Variants in KIF21A observed in about 807,000 individuals in gnomAD.
The protein encoded by KIF21A is kinesin-like protein KIF21A.
KIF21A carries 114 observed loss-of-function variants against 202.9 expected under a neutral mutation model. That is an observed-to-expected ratio of 0.56 (90% CI 0.48 to 0.66). The LOEUF is 0.66. KIF21A is among the 30% of genes least tolerant of loss of function. The pLI is 0.00. For missense variants in KIF21A, 1,677 were observed against 1,994.9 expected, an observed-to-expected ratio of 0.84 and a Z score of 3.04; for synonymous variants, 667 against 670.8, an observed-to-expected ratio of 0.99 and a Z score of 0.09.
chr12:39,401,830 A>G (rs1003508072), intron 1 of KIF21A, among the ~76,000 whole-genome samples: 1 of 152,214 alleles, frequency 6.6e-6, no homozygotes, highest in Non-Finnish European at 1.5e-5. Flanking sequence ...CTTAACAACT[A>G]TATGTAATAT....
chr12:39,399,468 GA>G (rs1321702641), intron 1 of KIF21A, among the ~76,000 whole-genome samples: 1 of 152,172 alleles, frequency 6.6e-6, no homozygotes, highest in East Asian at 1.9e-4. Flanking sequence ...AGGAACAAGA[GA>G]AATCTACATT....
At chr12:39,423,039 T>G (rs888173571) in intron 1 of KIF21A, among the ~76,000 whole-genome samples, 3 of 152,366 alleles carry the variant, frequency 2.0e-5, no homozygotes, top group Admixed American at 6.5e-5. Context: ...ATTGTGAGGA[T>G]CACATGAGTT....
chr12:39,324,969 A>C (rs73086858), intron 26 of KIF21A, among the ~76,000 whole-genome samples: 66 of 152,326 alleles, frequency 4.3e-4, no homozygotes, highest in African/African-American at 1.1e-3. Context: ...ATCAAATGCT[A>C]CCACATTCAA....
rs1274485860 is a variant in KIF21A at position 39,367,127 on chromosome 12, G to T, written c.638C>A (p.Thr213Lys). The stretch of plus-strand genomic sequence containing the variant: ...AACATTCATCTGGGTACTGGCAGTT[G>T]TCCGGGATAAAGCACCCAACTTCAA... ...QCLKLGALSR[T>K]TASTQMNVQS... Residue 213 changes from threonine to lysine, a missense_variant, in exon 5 of 38, where the codon ACA becomes AAA. Physicochemically the swap from Thr to Lys is moderately conservative, Grantham distance 78. Coordinates refer to ENST00000361418, the MANE Select transcript of KIF21A (RefSeq NM_001173464.2). 6.2e-7 allele frequency: 1 copy of T among 1,613,818 alleles called. No homozygotes were observed. Among genetic ancestry groups the T allele is most frequent in the Non-Finnish European group, 8.5e-7 (1 of 1,179,878 alleles).
At chr12:39,339,217 C>G (rs907558217) in intron 16 of KIF21A, among the ~76,000 whole-genome samples, 1 of 134,408 alleles carries the variant, frequency 7.4e-6, no homozygotes, top group African/African-American at 3.0e-5. Flanking sequence ...AGGTGGGCAA[C>G]AGAGCGAGAC....
chr12:39,401,220 C>G (rs1190951605), intron 1 of KIF21A, among the ~76,000 whole-genome samples: 3 of 151,954 alleles, frequency 2.0e-5, no homozygotes, highest in African/African-American at 7.3e-5. Flanking sequence ...AAAGGCCAGA[C>G]AGTATATAGT....
chr12:39,400,994 T>G (rs576970802), intron 1 of KIF21A, among the ~76,000 whole-genome samples: 1 of 152,272 alleles, frequency 6.6e-6, no homozygotes, highest in African/African-American at 2.4e-5. Context: ...ACCAGAAGAT[T>G]AATTTAATCC....
At position 39,380,525 on chromosome 12, in the gene KIF21A, T is replaced by TA. The variant is rs143073105; in HGVS notation, c.45-10265dup. Among the ~76,000 whole-genome samples the TA allele has an allele frequency of 5.7e-3, 875 of 152,280 alleles. 11 individuals are homozygous for TA. Among genetic ancestry groups the TA allele is most frequent in the African/African-American group, 0.02 (850 of 41,554 alleles). The stretch of plus-strand genomic sequence containing the variant: ...GAATGACTTTTATAAATTCTTATAA[T>TA]AAAAAAGGTTTAATTAACACTTCAG... On this transcript the variant is annotated intron_variant, in intron 1 of 37. Transcript: ENST00000361418.
chr12:39,396,886 A>C (rs1485511557), intron 1 of KIF21A, among the ~76,000 whole-genome samples: 1 of 152,202 alleles, frequency 6.6e-6, no homozygotes, highest in East Asian at 1.9e-4. Flanking sequence ...AAAGGAATAA[A>C]CTACTGACAC....
intron 1 of KIF21A, among the ~76,000 whole-genome samples, chr12:39,427,151 C>G (rs1003424512): frequency 6.6e-6 from 1 of 152,186 alleles, no homozygotes; most frequent in Non-Finnish European, 1.5e-5. Flanking sequence ...TCTAGTGGGG[C>G]TCAGTAACTA....
intron 7 of KIF21A, among the ~76,000 whole-genome samples, chr12:39,358,658 TC>T (rs1948977971): frequency 6.6e-6 from 1 of 152,194 alleles, no homozygotes; most frequent in Non-Finnish European, 1.5e-5. Flanking sequence ...ACACAGTAAT[TC>T]TAAAATTAAA....
chr12:39,308,667 A>G (rs190371121), intron 33 of KIF21A, among the ~76,000 whole-genome samples: 8 of 152,276 alleles, frequency 5.3e-5, no homozygotes, highest in Admixed American at 5.2e-4. Context: ...TTAAATTTTG[A>G]AACATTTTCT....
chr12:39,352,026 G>T, intron 10 of KIF21A, 46 bp from the exon 11 acceptor site: 1 of 1,328,392 alleles, frequency 7.5e-7, no homozygotes, highest in Non-Finnish European at 1.1e-6. Flanking sequence ...TTTCTCTGTG[G>T]ATAAAAATAC....
At chr12:39,325,955 C>T (rs1945858443) in intron 25 of KIF21A, 62 bp from the exon 26 acceptor site, 3 of 1,301,550 alleles carry the variant, frequency 2.3e-6, no homozygotes, top group African/African-American at 1.5e-5. Flanking sequence ...AAAACTATAG[C>T]TCCTCTATAT....
chr12:39,434,176 C>T (rs1441101557), intron 1 of KIF21A, among the ~76,000 whole-genome samples: 1 of 152,194 alleles, frequency 6.6e-6, no homozygotes, highest in Non-Finnish European at 1.5e-5. Flanking sequence ...CTGGCACGGT[C>T]TTTCTTGCTG....
At chr12:39,365,682 T>G (rs538538283) in intron 6 of KIF21A, among the ~76,000 whole-genome samples, 18 of 152,368 alleles carry the variant, frequency 1.2e-4, no homozygotes, top group African/African-American at 4.3e-4. Context: ...ATCAAAAGGC[T>G]ACTTTGAAGG....
At chr12:39,378,992 C>T (rs1333375373) in intron 1 of KIF21A, among the ~76,000 whole-genome samples, 1 of 151,958 alleles carries the variant, frequency 6.6e-6, no homozygotes, top group African/African-American at 2.4e-5. Context: ...TGCATTTGTT[C>T]CCTGGTTATG....
chr12:39,341,050 T>C lies in KIF21A; in HGVS notation c.1966A>G (p.Ile656Val). 4.3e-6 allele frequency: 7 copies of C among 1,611,716 alleles called. No homozygotes were observed. Among genetic ancestry groups the C allele is most frequent in the Non-Finnish European group, 5.9e-6 (7 of 1,178,614 alleles). ...DLANITCEIA[I>V]KQKLIDELEN... Reference sequence around the variant, plus strand: ...AGTTCATCAATCAGCTTTTGCTTAATTGCAATTTCACAAGTAATGTTTGCC... The same window carrying C: ...AGTTCATCAATCAGCTTTTGCTTAACTGCAATTTCACAAGTAATGTTTGCC... The change falls in exon 15 of 38, where the codon ATT becomes GTT. Residue 656 changes from isoleucine to valine, a missense_variant. By Grantham distance (29) the Ile-to-Val change is conservative (BLOSUM62 3). Transcript: ENST00000361418.
chr12:39,413,558 G>A (rs962705088), intron 1 of KIF21A, among the ~76,000 whole-genome samples: 1 of 152,066 alleles, frequency 6.6e-6, no homozygotes, highest in Non-Finnish European at 1.5e-5. Context: ...AGTTCTACAA[G>A]GAATCACTAA....
Sources: allele counts gnomAD v4.1 joint callset (sites outside exome capture counted in the v4.1 genomes callset), GRCh38; gene constraint gnomAD v4.1.1; transcripts MANE v1.5; gene names NCBI Gene and HGNC (gene_info 2026-07-23, HGNC 2026-07-21).